Variants in HDGFL3 observed in about 807,000 individuals in gnomAD.
HDGFL3 encodes HDGF like 3.
HDGFL3 carries 6 observed loss-of-function variants against 27.6 expected under a neutral mutation model. The ratio of observed to expected loss-of-function variants is 0.22; its 90% CI spans 0.12 to 0.43. HDGFL3 has a LOEUF of 0.43. Among genes scored for constraint, HDGFL3 ranks in the 20% least tolerant of loss-of-function variants. HDGFL3 has a pLI of 1.00. For missense variants in HDGFL3, 207 were observed against 250.1 expected (o/e 0.83, Z 1.16); for synonymous variants, 88 against 88.9 (o/e 0.99, Z 0.05).
chr15:83,153,052 T>TG (rs1395239455), intron 4 of HDGFL3, among the ~76,000 whole-genome samples: 1 of 147,564 alleles, frequency 6.8e-6, no homozygotes, highest in Non-Finnish European at 1.5e-5. Flanking sequence ...TGGAGTGCCG[T>TG]GGGGCTATCT....
chr15:83,136,295 C>T lies in HDGFL3; in HGVS notation c.*2975G>A, dbSNP rs902087588. The stretch of plus-strand genomic sequence containing the variant: ...TATCAAGAATGGCCCTAAATTTAAT[C>T]AAGGACTAAATTTAATGAAAGACTC... On this transcript the variant is annotated 3_prime_UTR_variant, in exon 6 of 6. Coordinates refer to ENST00000299633, the MANE Select transcript of HDGFL3 (RefSeq NM_016073.4). 2.2e-6 allele frequency: 1 copy of T among 446,188 alleles called. No individual in the cohort carries two copies. Among genetic ancestry groups the T allele is most frequent in the Non-Finnish European group, 3.9e-6 (1 of 253,798 alleles). 27.6% of individuals were successfully genotyped at this position (446,188 alleles called of 1,614,324 possible).
chr15:83,157,627 C>G, intron 3 of HDGFL3, 54 bp from the exon 4 acceptor site: 2 of 1,475,138 alleles, frequency 1.4e-6, no homozygotes, highest in Middle Eastern at 1.8e-4. Context: ...TAGCAAAGAA[C>G]AAACACTGAA....
chr15:83,123,523 A>G (rs1184453121), downstream of HDGFL3, among the ~76,000 whole-genome samples: 1 of 152,276 alleles, frequency 6.6e-6, no homozygotes, highest in Admixed American at 6.5e-5. Context: ...CAAAACTGAT[A>G]TATGAAAATA....
At chr15:83,147,546 A>T (rs34845847) in intron 5 of HDGFL3, among the ~76,000 whole-genome samples, 155 of 152,314 alleles carry the variant, frequency 1.0e-3, no homozygotes, top group Admixed American at 2.7e-3. Flanking sequence ...AAAACTATTC[A>T]ATTAGCCCTA....
At chr15:83,176,982 A>G (rs2037320196) in intron 1 of HDGFL3, among the ~76,000 whole-genome samples, 1 of 67,470 alleles carries the variant, frequency 1.5e-5, no homozygotes, top group South Asian at 3.0e-4. Flanking sequence ...CAGTGGTGCA[A>G]TCTCAGCTCA....
intron 5 of HDGFL3, among the ~76,000 whole-genome samples, chr15:83,148,618 T>C (rs1179207902): frequency 2.0e-5 from 3 of 148,966 alleles, no homozygotes; most frequent in Admixed American, 6.7e-5. Context: ...TGAGACTCCG[T>C]CTCGAAAAAA....
intron 5 of HDGFL3, among the ~76,000 whole-genome samples, chr15:83,149,092 G>T (rs1170824026): frequency 4.6e-5 from 7 of 151,938 alleles, no homozygotes; most frequent in Admixed American, 4.6e-4. Flanking sequence ...ATAGGCTCTT[G>T]CTTCCCACTT....
chr15:83,143,453 G>A (rs896710552), intron 5 of HDGFL3, among the ~76,000 whole-genome samples: 4 of 152,028 alleles, frequency 2.6e-5, no homozygotes, highest in Non-Finnish European at 4.4e-5. Flanking sequence ...GTGGTGGCAC[G>A]TGCCTGCAAT....
At chr15:83,124,764 G>C, downstream of HDGFL3, 1 of 1,613,752 alleles carries the variant, frequency 6.2e-7, no homozygotes, top group Non-Finnish European at 8.5e-7. Flanking sequence ...GATTTTGCCT[G>C]TTCAGAGGTT....
At chr15:83,206,581 G>A (rs114756167) in intron 1 of HDGFL3, among the ~76,000 whole-genome samples, 148 of 152,302 alleles carry the variant, frequency 9.7e-4, no homozygotes, top group African/African-American at 3.5e-3. Flanking sequence ...GAGCTATTGT[G>A]GACTGTAGCA....
At chr15:83,204,230 T>A (rs1179788338) in intron 1 of HDGFL3, among the ~76,000 whole-genome samples, 1 of 151,776 alleles carries the variant, frequency 6.6e-6, no homozygotes, top group Non-Finnish European at 1.5e-5. Flanking sequence ...ATCAGACATA[T>A]ATCATATAGA....
chr15:83,141,187 G>A (rs1464017028), intron 5 of HDGFL3, among the ~76,000 whole-genome samples: 1 of 152,182 alleles, frequency 6.6e-6, no homozygotes, highest in South Asian at 2.1e-4. Flanking sequence ...AGTCTCCTCT[G>A]AGTAAGTAGC....
chr15:83,122,104 C>T, intron 3 of HDGFL3: 1 of 952,152 alleles, frequency 1.1e-6, no homozygotes, highest in Non-Finnish European at 1.6e-6. Context: ...CAAGTGATTC[C>T]AAGCTTACTA....
intron 5 of HDGFL3, among the ~76,000 whole-genome samples, chr15:83,145,656 T>C (rs138480970): frequency 6.6e-6 from 1 of 152,276 alleles, no homozygotes; most frequent in Non-Finnish European, 1.5e-5. Context: ...CCTGCAATCA[T>C]CTACAGACTC....
intron 1 of HDGFL3, chr15:83,185,808 G>C (rs1338750273): frequency 6.6e-6 from 1 of 152,224 alleles, no homozygotes; most frequent in East Asian, 1.9e-4. Flanking sequence ...GCTGGATCTA[G>C]TTACTTACTT....
chr15:83,153,821 A>T (rs1423102198), intron 4 of HDGFL3, among the ~76,000 whole-genome samples: 1 of 152,182 alleles, frequency 6.6e-6, no homozygotes, highest in East Asian at 1.9e-4. Flanking sequence ...AAGAGAGAAG[A>T]CATATAATCT....
downstream of HDGFL3, chr15:83,124,745 T>C (rs773902599): frequency 1.2e-6 from 2 of 1,614,056 alleles, no homozygotes; most frequent in East Asian, 2.2e-5. Flanking sequence ...TGTCTCCTCC[T>C]GGCAACTGGA....
chr15:83,169,161 C>T (rs2037210530), intron 1 of HDGFL3: 2 of 433,290 alleles, frequency 4.6e-6, no homozygotes, highest in South Asian at 1.7e-5. Flanking sequence ...CAATATCATA[C>T]CAAACAGGCA....
chr15:83,184,757 A>G (rs952881405), intron 1 of HDGFL3: 1 of 152,278 alleles, frequency 6.6e-6, no homozygotes, highest in Non-Finnish European at 1.5e-5. Context: ...AGCAGGAAGA[A>G]GGCAAATGGC....
Sources: gnomAD v4.1 joint callset for allele counts (sites outside exome capture counted in the v4.1 genomes callset) on GRCh38, gnomAD v4.1.1 for gene constraint, MANE v1.5 for transcripts, NCBI Gene and HGNC (gene_info 2026-07-23, HGNC 2026-07-21) for gene names.